OPHN1: variants seen among roughly 807,000 people sequenced by gnomAD.
OPHN1 encodes oligophrenin 1.
OPHN1 carries 11 observed loss-of-function variants against 60.7 expected under a neutral mutation model. The ratio of observed to expected loss-of-function variants is 0.18; its 90% confidence interval spans 0.11 to 0.30. OPHN1 has a LOEUF of 0.30. Ranked by LOEUF, OPHN1 falls within the 10% of genes least tolerant of loss-of-function variation. The probability of loss-of-function intolerance (pLI) is 1.00; values close to 1 mark genes in which losing one functional copy is unlikely to be tolerated. For synonymous variants in OPHN1, 226 were observed against 222.6 expected (o/e 1.02, Z -0.14); for missense variants, 449 against 611.0 (o/e 0.73, Z 2.80).
intron 6 of OPHN1, 37 bp downstream of exon 6, chrX:68,234,450 T>TA: frequency 9.7e-7 from 1 of 1,029,915 alleles, no homozygotes; most frequent in Non-Finnish European, 1.4e-6. Context: ...AAGGCATAGC[T>TA]AGCAATGGAA....
At position 68,389,568 on chromosome X, in the gene OPHN1, A is replaced by AAAATAAATAAAT. The variant is rs200288420; in HGVS notation, c.154+43287_154+43298dup. Among the ~76,000 whole-genome samples the AAAATAAATAAAT allele has an allele frequency of 2.5e-3, 192 of 76,858 alleles. 2 individuals carry two copies. Among genetic ancestry groups the AAAATAAATAAAT allele is most frequent in the African/African-American group, 8.1e-3 (172 of 21,133 alleles). The allele number at this position is 76,858 out of a possible 115,157, so 66.7% of individuals were successfully genotyped here. On this transcript the variant is annotated intron_variant, in intron 2 of 24. Transcript: ENST00000355520. ...GGCAACAGAGCAAGACTCCCTCTCA[A>AAAATAAATAAAT]AAATAAATAAATAAATAAATAAATA... is the stretch of plus-strand genomic sequence containing the variant.
chrX:68,305,682 A>G (rs2078141821), intron 2 of OPHN1, among the ~76,000 whole-genome samples: 1 of 112,649 alleles, frequency 8.9e-6, no homozygotes, highest in African/African-American at 3.2e-5. Context: ...AAAGTATTTA[A>G]ATTAAATCAT....
chrX:68,147,955 T>C, intron 15 of OPHN1, among the ~76,000 whole-genome samples: 1 of 111,786 alleles, frequency 8.9e-6, no homozygotes, highest in East Asian at 2.8e-4. Context: ...TTGAGCACCA[T>C]CTCTCAGTAA....
At chrX:68,211,147 G>A (rs748536212) in intron 8 of OPHN1, among the ~76,000 whole-genome samples, 1 of 111,014 alleles carries the variant, frequency 9.0e-6, no homozygotes, top group Non-Finnish European at 1.9e-5. Flanking sequence ...TGCAAGGAGA[G>A]TATATAGAAA....
At chrX:68,328,251 C>T (rs183719824) in intron 2 of OPHN1, among the ~76,000 whole-genome samples, 1,847 of 108,111 alleles carry the variant, frequency 0.017, 13 homozygotes, top group Middle Eastern at 0.11. Context: ...GCCTCAGCCT[C>T]CAGAGTAGCT....
At chrX:68,426,930 A>G (rs1481132742) in intron 2 of OPHN1, among the ~76,000 whole-genome samples, 1 of 103,140 alleles carries the variant, frequency 9.7e-6, no homozygotes, top group Non-Finnish European at 2.0e-5. Flanking sequence ...AAAGCACATT[A>G]TCCTTGGTTT....
intron 3 of OPHN1, among the ~76,000 whole-genome samples, chrX:68,296,982 T>C (rs1020938898): frequency 9.0e-6 from 1 of 110,846 alleles, no homozygotes; most frequent in Non-Finnish European, 1.9e-5. Flanking sequence ...GTGAGGTTCA[T>C]GGGATTAAGA....
intron 2 of OPHN1, among the ~76,000 whole-genome samples, chrX:68,321,711 T>C (rs1214179121): frequency 9.0e-6 from 1 of 111,654 alleles, no homozygotes; most frequent in East Asian, 2.8e-4. Context: ...GTGGATCACC[T>C]GAGGTCAGGA....
intron 21 of OPHN1, among the ~76,000 whole-genome samples, chrX:68,058,899 C>G (rs1268029391): frequency 1.8e-5 from 2 of 111,927 alleles, no homozygotes; most frequent in Non-Finnish European, 3.8e-5. Context: ...TTACTGAGTA[C>G]TCTTGATGTG....
intron 6 of OPHN1, among the ~76,000 whole-genome samples, chrX:68,223,193 C>T (rs1019783222): frequency 2.7e-5 from 3 of 111,468 alleles, no homozygotes; most frequent in Non-Finnish European, 3.8e-5. Flanking sequence ...TGAGAATCTA[C>T]CTAAAGGAAA....
rs2076829361 is a variant in OPHN1 at position 68,045,486 on chromosome X, A to G, written c.*1686T>C. The G allele has an allele frequency of 8.9e-6, 1 of 111,960 alleles. No homozygotes were observed. The highest frequency in any genetic ancestry group is 3.2e-5 in the African/African-American group (1 of 30,798). The allele number at this position is 111,960 out of a possible 1,213,427, so 9.2% of individuals were successfully genotyped here. On this transcript the variant is annotated 3_prime_UTR_variant, in exon 25 of 25. Transcript: ENST00000355520. ...TTATCTAGGTTTATCTGTCAGTACT[A>G]TAATCAGTGCACTAACAGGGCCTTG...
intron 2 of OPHN1, among the ~76,000 whole-genome samples, chrX:68,327,792 A>G (rs1352600792): frequency 1.2e-5 from 1 of 80,304 alleles, no homozygotes; most frequent in Non-Finnish European, 2.1e-5. Flanking sequence ...AAAAAATAAA[A>G]AAAATAAAAA....
At chrX:68,343,294 G>T (rs766774031) in intron 2 of OPHN1, among the ~76,000 whole-genome samples, 1 of 103,188 alleles carries the variant, frequency 9.7e-6, no homozygotes, top group East Asian at 3.1e-4. Context: ...AAGCGGGGGG[G>T]GAGGGGCGCT....
intron 19 of OPHN1, among the ~76,000 whole-genome samples, chrX:68,081,027 A>G (rs1439494580): frequency 9.0e-6 from 1 of 110,582 alleles, no homozygotes; most frequent in African/African-American, 3.3e-5. Flanking sequence ...GGTTCCAGAT[A>G]CCCCCAAGTC....
At chrX:68,236,327 T>A (rs188475039) in intron 5 of OPHN1, among the ~76,000 whole-genome samples, 77 of 112,026 alleles carry the variant, frequency 6.9e-4, no homozygotes, top group East Asian at 3.9e-3. Flanking sequence ...CCTTACTGCC[T>A]TCACCAAGGA....
At chrX:68,189,472 A>T (rs769795659) in intron 15 of OPHN1, among the ~76,000 whole-genome samples, 2 of 110,153 alleles carry the variant, frequency 1.8e-5, no homozygotes, top group South Asian at 7.9e-4. Context: ...CATCATTTAC[A>T]TTAGGTATAT....
intron 3 of OPHN1, among the ~76,000 whole-genome samples, chrX:68,287,156 GGAAAGAAAGAAA>G (rs538783611): frequency 1.9e-4 from 14 of 72,902 alleles, no homozygotes; most frequent in East Asian, 1.1e-3. Flanking sequence ...GAAGAAAGAA[GGAAAGAAAGAAA>G]GAAAGAAAGA....
intron 21 of OPHN1, among the ~76,000 whole-genome samples, chrX:68,060,218 C>G (rs1048283772): frequency 2.7e-5 from 3 of 110,982 alleles, no homozygotes; most frequent in Non-Finnish European, 3.8e-5. Flanking sequence ...TTGTACCCCC[C>G]CAAAAGTAAG....
intron 15 of OPHN1, among the ~76,000 whole-genome samples, chrX:68,154,389 T>A (rs985090341): frequency 8.9e-6 from 1 of 112,404 alleles, no homozygotes; most frequent in Non-Finnish European, 1.9e-5. Flanking sequence ...AGAATCCAAA[T>A]AAATATATCA....
Sources: allele counts gnomAD v4.1 joint callset (sites outside exome capture counted in the v4.1 genomes callset), GRCh38; gene constraint gnomAD v4.1.1; transcripts MANE v1.5; gene names NCBI Gene and HGNC (gene_info 2026-07-23, HGNC 2026-07-21).